Variants in ABTB2 observed in about 807,000 individuals in gnomAD.
ABTB2 encodes the protein ankyrin repeat and BTB/POZ domain-containing protein 2.
Under a neutral mutation model 104.1 loss-of-function variants are expected in ABTB2, and 56 were observed. That is an observed-to-expected ratio of 0.54 (90% CI 0.43 to 0.67). The LOEUF (loss-of-function observed/expected upper bound fraction) is 0.67, where lower values mean the gene tolerates loss of function less well. ABTB2 is among the 30% of genes least tolerant of loss of function. The probability of loss-of-function intolerance (pLI) is 0.00; values close to 1 mark genes in which losing one functional copy is unlikely to be tolerated. For synonymous variants in ABTB2, 606 were observed against 608.2 expected, an observed-to-expected ratio of 1.00 and a Z score of 0.05; for missense variants, 1,279 against 1,407.7, an observed-to-expected ratio of 0.91 and a Z score of 1.46.
Position 34,167,376 on chromosome 11 carries a change from A to G in ABTB2, c.1654-16T>C. The G allele has an allele frequency of 1.2e-6, 2 of 1,607,730 alleles. No homozygotes were observed. Among genetic ancestry groups the G allele is most frequent in the Non-Finnish European group, 1.7e-6 (2 of 1,176,118 alleles). ...TGCTTGGAACCTGGAAAATACCACA[A>G]ATCATCTGTGTTTTCTGGGCACCCG... On this transcript the variant is annotated splice_polypyrimidine_tract_variant and intron_variant, in intron 6 of 16. Coordinates refer to ENST00000435224, the MANE Select transcript of ABTB2 (RefSeq NM_145804.3).
At chr11:34,342,780 C>T (rs1467902290) in intron 1 of ABTB2, among the ~76,000 whole-genome samples, 3 of 152,056 alleles carry the variant, frequency 2.0e-5, no homozygotes, top group Admixed American at 1.3e-4. Context: ...CTGCCTGGAC[C>T]ACCACTTATT....
rs548046398 is a variant in ABTB2, at chr11:34,229,349, CG to C, written c.884-24660del. The stretch of plus-strand genomic sequence containing the variant: ...ACAAAAAATTAGCCAGGTGTGGTGG[CG>C]GGCGCCTGTAGTCCCAGCTACTCGG... On this transcript the variant is annotated intron_variant, in intron 1 of 16. Coordinates refer to ENST00000435224, the MANE Select transcript of ABTB2 (RefSeq NM_145804.3). 2.7e-3 allele frequency among the ~76,000 whole-genome samples: 405 copies of C among 151,160 alleles called. 1 individual carries two copies. The highest frequency in any genetic ancestry group is 0.014 in the Middle Eastern group (4 of 292).
intron 3 of ABTB2, among the ~76,000 whole-genome samples, chr11:34,189,780 C>T (rs75677709): frequency 0.1 from 15,796 of 152,200 alleles, 885 homozygotes; most frequent in African/African-American, 0.14. Flanking sequence ...AGGTCTGCTC[C>T]GACATGTCCC....
intron 1 of ABTB2, among the ~76,000 whole-genome samples, chr11:34,244,471 A>T (rs61880453): frequency 0.011 from 1,605 of 152,320 alleles, 13 homozygotes; most frequent in Non-Finnish European, 0.018. Flanking sequence ...GGACAATAAA[A>T]TACGCAGAAA....
intron 1 of ABTB2, among the ~76,000 whole-genome samples, chr11:34,273,847 C>T (rs1213006036): frequency 6.6e-6 from 1 of 152,068 alleles, no homozygotes; most frequent in East Asian, 1.9e-4. Context: ...CAAGTGAGAC[C>T]CTGCCTCAAA....
At chr11:34,323,620 T>C (rs1855031639) in intron 1 of ABTB2, among the ~76,000 whole-genome samples, 1 of 152,224 alleles carries the variant, frequency 6.6e-6, no homozygotes, top group East Asian at 1.9e-4. Context: ...CGTATTAGCC[T>C]AATTTTTGTT....
chr11:34,335,326 G>T, intron 1 of ABTB2: 1 of 1,040,282 alleles, frequency 9.6e-7, no homozygotes, highest in South Asian at 1.3e-5. Context: ...CCAGATGATG[G>T]GTCAGTAAAG....
chr11:34,279,140 G>C (rs1376876838), intron 1 of ABTB2, among the ~76,000 whole-genome samples: 2 of 152,196 alleles, frequency 1.3e-5, no homozygotes, highest in African/African-American at 4.8e-5. Context: ...CCCAGCAAAT[G>C]CATGAACTGT....
rs117943216 is a variant in ABTB2 at position 34,222,645 on chromosome 11, T to C, written c.884-17955A>G. ...CTACAGGGAGATGCTGAGTTTCAGATGCAGTGCCTGTGGATAACAGACTTT... is the reference window on the plus strand; with the variant it reads ...CTACAGGGAGATGCTGAGTTTCAGACGCAGTGCCTGTGGATAACAGACTTT... On this transcript the variant is annotated intron_variant, in intron 1 of 16. Transcript: ENST00000435224. Among the ~76,000 whole-genome samples the C allele has an allele frequency of 4.8e-3, 732 of 152,356 alleles. 4 individuals are homozygous for C. The highest frequency in any genetic ancestry group is 0.022 in the South Asian group (105 of 4,824).
chr11:34,197,474 G>A lies in ABTB2; in HGVS notation c.1095C>T (p.Ser365=), dbSNP rs980669826. The change falls in exon 3 of 17, where the codon AGC becomes AGT. Residue 365 remains serine, a synonymous_variant. Transcript: ENST00000435224. ...GCGGCTGGCGGGCCTGGCGGGCAGG[G>A]CTGGCACCCGGGCACAGGGGGTGAC... is the stretch of plus-strand genomic sequence containing the variant. ...QGRHPLCPGA[S]PARQARQPPQ... 8.2e-6 allele frequency: 13 copies of A among 1,586,244 alleles called. No homozygotes were observed. The highest frequency in any genetic ancestry group is 1.3e-5 in the African/African-American group (1 of 74,456).
chr11:34,281,949 G>A (rs886507627), intron 1 of ABTB2, among the ~76,000 whole-genome samples: 2 of 152,198 alleles, frequency 1.3e-5, no homozygotes, highest in Non-Finnish European at 2.9e-5. Context: ...AGTAATAGGC[G>A]ATGGATTACA....
At chr11:34,230,871 CTCTTTT>C (rs1041031961) in intron 1 of ABTB2, among the ~76,000 whole-genome samples, 1 of 152,220 alleles carries the variant, frequency 6.6e-6, no homozygotes, top group African/African-American at 2.4e-5. Context: ...ATTCTGGTTT[CTCTTTT>C]TCTTTTTCTT....
intron 2 of ABTB2, among the ~76,000 whole-genome samples, chr11:34,198,436 A>AG (rs1565138637): frequency 2.3e-5 from 3 of 129,382 alleles, no homozygotes; most frequent in Non-Finnish European, 4.8e-5. Context: ...TCTCAAAAAA[A>AG]CAAACAAACA....
rs576159394 is a variant in ABTB2, at chr11:34,197,354, G to C, written c.1215C>G (p.Asp405Glu). The change falls in exon 3 of 17, where the codon GAC becomes GAG. Residue 405 changes from aspartate (D) to glutamate (E), a missense_variant. Asp to Glu is a conservative substitution (Grantham distance 45). Coordinates refer to ENST00000435224, the MANE Select transcript of ABTB2 (RefSeq NM_145804.3). Reference sequence around the variant, plus strand: ...CATTGTTCAAGGTCATTCTCGGGGGGTCCAGGTTGGGGTTCTCCATGGACT... The same window carrying C: ...CATTGTTCAAGGTCATTCTCGGGGGCTCCAGGTTGGGGTTCTCCATGGACT... ...QMESMENPNL[D>E]PPRMTLNNER... 1.2e-5 allele frequency: 19 copies of C among 1,614,060 alleles called. No individual in the cohort carries two copies. The highest frequency in any genetic ancestry group is 3.3e-4 in the Middle Eastern group (2 of 6,062).
chr11:34,306,982 T>TAAAAAAAAAAAAAAA (rs61161318), intron 1 of ABTB2, among the ~76,000 whole-genome samples: 1 of 94,544 alleles, frequency 1.1e-5, no homozygotes, highest in Non-Finnish European at 2.2e-5. Flanking sequence ...TCAGGAAACT[T>TAAAAAAAAAAAAAAA]AAAAAAAAAA....
rs369259914 is a variant in ABTB2, at chr11:34,337,230, C to T, written c.883+19471G>A. On this transcript the variant is annotated intron_variant, in intron 1 of 16. Coordinates refer to ENST00000435224, the MANE Select transcript of ABTB2 (RefSeq NM_145804.3). The stretch of plus-strand genomic sequence containing the variant: ...TTTGTTGAGGAAGGCCCCGATTCTG[C>T]GCCTGTCTGGGGAGAAGAGTTGCAT... 4.5e-4 allele frequency among the ~76,000 whole-genome samples: 69 copies of T among 152,316 alleles called. 1 individual carries two copies. In the East Asian group the frequency reaches 9.6e-3, roughly 21 times the overall value.
At chr11:34,248,096 TAAAAAAAAAAAAA>T (rs1157412906) in intron 1 of ABTB2, among the ~76,000 whole-genome samples, 6 of 116,234 alleles carry the variant, frequency 5.2e-5, no homozygotes, top group African/African-American at 1.8e-4. Context: ...TAATTTTTCT[TAAAAAAAAAAAAA>T]AAAAAAAAAA....
intron 1 of ABTB2, among the ~76,000 whole-genome samples, chr11:34,316,968 C>A (rs757810414): frequency 2.0e-5 from 3 of 152,196 alleles, no homozygotes; most frequent in Non-Finnish European, 4.4e-5. Context: ...AACACTCCAG[C>A]CCCATCAGTG....
intron 1 of ABTB2, among the ~76,000 whole-genome samples, chr11:34,233,591 C>G (rs1297711127): frequency 6.6e-6 from 1 of 151,912 alleles, no homozygotes; most frequent in Non-Finnish European, 1.5e-5. Context: ...TGGGCTCAAG[C>G]AATCTGCCTT....
Sources: allele counts gnomAD v4.1 joint callset (sites outside exome capture counted in the v4.1 genomes callset), GRCh38; gene constraint gnomAD v4.1.1; transcripts MANE v1.5; gene names NCBI Gene and HGNC (gene_info 2026-07-23, HGNC 2026-07-21).